The following FAXC variants were observed in gnomAD, a reference collection of about 807,000 sequenced individuals.
FAXC encodes failed axon connections homolog, metaxin like GST domain containing.
In FAXC, 10 loss-of-function variants were observed where a neutral mutation model predicts 41.9. The observed-to-expected ratio is 0.24, with a 90% CI of 0.15 to 0.41. The LOEUF is 0.41. Ranked by LOEUF, FAXC falls within the 10% of genes least tolerant of loss-of-function variation. FAXC has a pLI of 1.00. For synonymous variants in FAXC, 183 were observed against 183.8 expected (o/e 1.00, Z 0.03); for missense variants, 399 against 510.9 (o/e 0.78, Z 2.11).
At chr6:99,287,298 TTTGA>T (rs1771063318) in intron 5 of FAXC, among the ~76,000 whole-genome samples, 1 of 152,200 alleles carries the variant, frequency 6.6e-6, no homozygotes, top group Non-Finnish European at 1.5e-5. Context: ...CATACTTACA[TTTGA>T]TAAAAGATTA....
chr6:99,313,147 G>C (rs2128457064), intron 4 of FAXC, among the ~76,000 whole-genome samples: 1 of 152,196 alleles, frequency 6.6e-6, no homozygotes, highest in Non-Finnish European at 1.5e-5. Context: ...ACAAAAATTA[G>C]CTGGGTGTGG....
chr6:99,305,150 G>T (rs903518716), intron 4 of FAXC, among the ~76,000 whole-genome samples: 4 of 152,240 alleles, frequency 2.6e-5, no homozygotes, highest in Admixed American at 6.5e-5. Context: ...AAAGGAGTTT[G>T]AATTTTAGCC....
chr6:99,340,739 G>A (rs1192152828), intron 2 of FAXC, among the ~76,000 whole-genome samples: 1 of 142,922 alleles, frequency 7.0e-6, no homozygotes, highest in Non-Finnish European at 1.5e-5. Context: ...CACAATCTTG[G>A]CTCACTGCAA....
rs1369089566 is a variant in FAXC at position 99,349,237 on chromosome 6, G to A, written c.136C>T (p.Pro46Ser). 1.2e-6 allele frequency: 2 copies of A among 1,613,816 alleles called. No individual in the cohort carries two copies. The highest frequency in any genetic ancestry group is 2.2e-5 in the East Asian group (1 of 44,894). The change falls in exon 1 of 6, where the codon CCT (proline) becomes TCT (serine). Residue 46 changes from proline (P) to serine (S), a missense_variant. By Grantham distance (74) the Pro-to-Ser change is moderately conservative (BLOSUM62 -1). Transcript: ENST00000389677. ...FSFYGDIIAFPLQDYGGIMAG... is the reference protein window; with the variant it reads ...FSFYGDIIAFSLQDYGGIMAG... The stretch of plus-strand genomic sequence containing the variant: ...ATGATCCCACCGTAATCCTGCAAAG[G>A]GAAAGCGATGATGTCCCCATAAAAG...
In FAXC at chr6:99,341,329, C is replaced by G. The variant is rs143662553; in HGVS notation, c.402+1569G>C. On this transcript the variant is annotated intron_variant, in intron 2 of 5. Coordinates refer to ENST00000389677, the MANE Select transcript of FAXC (RefSeq NM_032511.4). Reference sequence around the variant, plus strand: ...ATAAGTATAAATGGATTAAAGTTGCCAATTAAAAGACTCTCCAATTAGATA... The same window carrying G: ...ATAAGTATAAATGGATTAAAGTTGCGAATTAAAAGACTCTCCAATTAGATA... 4.6e-5 allele frequency among the ~76,000 whole-genome samples: 7 copies of G among 151,230 alleles called. No individual in the cohort carries two copies. In the East Asian group the frequency reaches 1.4e-3, roughly 29 times the overall value.
At position 99,274,629 on chromosome 6, in the gene FAXC, A is replaced by G. The variant is rs1444250525; in HGVS notation, c.*6535T>C. 1.3e-5 allele frequency: 2 copies of G among 152,236 alleles called. No individual in the cohort carries two copies. Among genetic ancestry groups the G allele is most frequent in the African/African-American group, 4.8e-5 (2 of 41,466 alleles). 9.4% of individuals were successfully genotyped at this position (152,236 alleles called of 1,614,324 possible). ...TACAATAAGCTTGTTCTGATCCCAC[A>G]AGACTTATTACTTGCAATAAAATCA... On this transcript the variant is annotated 3_prime_UTR_variant, in exon 6 of 6. Transcript: ENST00000389677.
intron 4 of FAXC, among the ~76,000 whole-genome samples, chr6:99,316,051 C>CAGTATCATCA (rs2128457871): frequency 6.6e-6 from 1 of 152,256 alleles, no homozygotes; most frequent in South Asian, 2.1e-4. Context: ...TCATCATGAT[C>CAGTATCATCA]AGTATCATCA....
chr6:99,294,009 T>C (rs1771364344), intron 4 of FAXC, among the ~76,000 whole-genome samples: 1 of 151,990 alleles, frequency 6.6e-6, no homozygotes, highest in Non-Finnish European at 1.5e-5. Context: ...CAGAAAGTGA[T>C]TTTTAAAAAT....
rs1434771056 is a variant in FAXC, at chr6:99,274,520, C to G, written c.*6644G>C. ...CAGACCCTCAGTTTTCCAAACTTCA[C>G]CATGGAAAAACCATCGCTGTCATCA... On this transcript the variant is annotated 3_prime_UTR_variant, in exon 6 of 6. Coordinates refer to ENST00000389677, the MANE Select transcript of FAXC (RefSeq NM_032511.4). 4 of 152,164 alleles carry G rather than the reference C, an allele frequency of 2.6e-5. No homozygotes were observed. The highest frequency in any genetic ancestry group is 5.9e-5 in the Non-Finnish European group (4 of 68,028). The allele number at this position is 152,164 out of a possible 1,614,324, so 9.4% of individuals were successfully genotyped here. A position where few individuals can be genotyped will look rare whatever the true frequency, so the allele number is the denominator to read the frequency against.
chr6:99,313,193 T>C (rs1772213476), intron 4 of FAXC, among the ~76,000 whole-genome samples: 1 of 152,184 alleles, frequency 6.6e-6, no homozygotes, highest in Non-Finnish European at 1.5e-5. Flanking sequence ...CTCGGGACGA[T>C]GAGGCAGAAG....
At chr6:99,317,609 T>C (rs2128458329) in intron 4 of FAXC, among the ~76,000 whole-genome samples, 1 of 152,300 alleles carries the variant, frequency 6.6e-6, no homozygotes, top group East Asian at 1.9e-4. Flanking sequence ...GCTTCACTTG[T>C]TAGTGGTTGT....
intron 4 of FAXC, among the ~76,000 whole-genome samples, chr6:99,296,631 C>T (rs192228405): frequency 1.6e-4 from 25 of 152,282 alleles, no homozygotes; most frequent in South Asian, 6.2e-4. Context: ...GCCCTCCTGA[C>T]GATGAGGGTG....
rs968072417 is a variant in FAXC, at chr6:99,272,937, T to C, written c.*8227A>G. On this transcript the variant is annotated 3_prime_UTR_variant, in exon 6 of 6. Transcript: ENST00000389677. ...AAAACTATTTCATATCCATTAGTTA[T>C]CATTTACACATCAAATACATATAGC... 2.6e-5 allele frequency: 4 copies of C among 152,210 alleles called. No homozygotes were observed. Among genetic ancestry groups the C allele is most frequent in the African/African-American group, 9.6e-5 (4 of 41,454 alleles). The allele number at this position is 152,210 out of a possible 1,614,324, so 9.4% of individuals were successfully genotyped here. A position where few individuals can be genotyped will look rare whatever the true frequency, so the allele number is the denominator to read the frequency against.
intron 4 of FAXC, among the ~76,000 whole-genome samples, chr6:99,295,154 G>A (rs1263339442): frequency 1.3e-5 from 2 of 152,166 alleles, no homozygotes; most frequent in Non-Finnish European, 2.9e-5. Context: ...AAAGGTGCCT[G>A]CAAAAATATA....
intron 3 of FAXC, among the ~76,000 whole-genome samples, chr6:99,331,966 A>G (rs1773042407): frequency 6.6e-6 from 1 of 152,170 alleles, no homozygotes; most frequent in Admixed American, 6.5e-5. Context: ...GTTCCCTACC[A>G]CTATTGTAAG....
At chr6:99,303,383 C>T (rs1359004179) in intron 4 of FAXC, among the ~76,000 whole-genome samples, 1 of 152,092 alleles carries the variant, frequency 6.6e-6, no homozygotes, top group African/African-American at 2.4e-5. Context: ...AATACCTTGC[C>T]CTTAAATATT....
chr6:99,332,954 GA>G (rs1459080091), intron 3 of FAXC, among the ~76,000 whole-genome samples: 1 of 152,068 alleles, frequency 6.6e-6, no homozygotes, highest in Non-Finnish European at 1.5e-5. Flanking sequence ...TTAAATGGTT[GA>G]AAAAAATCAA....
At position 99,276,187 on chromosome 6, in the gene FAXC, C is replaced by T. The variant is rs1770609575; in HGVS notation, c.*4977G>A. On this transcript the variant is annotated 3_prime_UTR_variant, in exon 6 of 6. Coordinates refer to ENST00000389677, the MANE Select transcript of FAXC (RefSeq NM_032511.4). Reference sequence around the variant, plus strand: ...CCCTAAAAGAAAGAAAGAAGAATAACCTGAGTTGTTCCCTATCAACAAAAG... The same window carrying T: ...CCCTAAAAGAAAGAAAGAAGAATAATCTGAGTTGTTCCCTATCAACAAAAG... 6.6e-6 allele frequency: 1 copy of T among 151,458 alleles called. No individual in the cohort carries two copies. The highest frequency in any genetic ancestry group is 1.5e-5 in the Non-Finnish European group (1 of 67,908). The allele number at this position is 151,458 out of a possible 1,614,324, so 9.4% of individuals were successfully genotyped here. A position where few individuals can be genotyped will look rare whatever the true frequency, so the allele number is the denominator to read the frequency against.
intron 4 of FAXC, among the ~76,000 whole-genome samples, chr6:99,319,232 C>A (rs1366393234): frequency 1.3e-5 from 2 of 152,054 alleles, no homozygotes; most frequent in African/African-American, 4.8e-5. Context: ...CCCGTCTCTA[C>A]TAAAAATACA....
Sources: gnomAD v4.1 joint callset for allele counts (sites outside exome capture counted in the v4.1 genomes callset) on GRCh38, gnomAD v4.1.1 for gene constraint, MANE v1.5 for transcripts, NCBI Gene and HGNC (gene_info 2026-07-23, HGNC 2026-07-21) for gene names.